The following SRI variants were observed in gnomAD, a reference collection of about 807,000 sequenced individuals.
SRI encodes 22 kDa protein.
A neutral mutation model predicts 33.3 loss-of-function variants in SRI; 30 were observed. The observed-to-expected ratio is 0.90, with a 90% CI of 0.67 to 1.22. The LOEUF is 1.22. Ranked by LOEUF, SRI falls within the 50% of genes most tolerant of loss-of-function variation. The pLI, the probability that SRI is intolerant of heterozygous loss-of-function variation, is 0.00. For synonymous variants in SRI, 75 were observed against 89.9 expected (o/e 0.83, Z 0.94); for missense variants, 243 against 250.8 (o/e 0.97, Z 0.21).
chr7:88,214,966 T>C (rs886766160), intron 3 of SRI: 3 of 529,528 alleles, frequency 5.7e-6, no homozygotes, highest in Non-Finnish European at 1.0e-5. Context: ...AGAAGCTGAA[T>C]TACAATCTTA....
At chr7:88,224,044 A>G (rs1379713352), upstream of SRI, among the ~76,000 whole-genome samples, 2 of 152,138 alleles carry the variant, frequency 1.3e-5, no homozygotes, top group African/African-American at 4.8e-5. Flanking sequence ...CTGATCATAT[A>G]CTCCAATCCT....
upstream of SRI, among the ~76,000 whole-genome samples, chr7:88,224,548 G>A (rs1234145785): frequency 6.6e-6 from 1 of 152,200 alleles, no homozygotes; most frequent in Non-Finnish European, 1.5e-5. Flanking sequence ...AATGTAAGTG[G>A]AAATGAGCAT....
intron 3 of SRI, chr7:88,214,833 A>G: frequency 1.6e-6 from 2 of 1,239,950 alleles, no homozygotes; most frequent in South Asian, 2.7e-5. Context: ...TTCTACTAGA[A>G]TGCCTCAAAC....
chr7:88,207,403 A>C (rs1851460364), intron 7 of SRI, among the ~76,000 whole-genome samples: 1 of 152,232 alleles, frequency 6.6e-6, no homozygotes, highest in South Asian at 2.1e-4. Context: ...TTAAAAGTGT[A>C]CTTATAACTG....
At chr7:88,208,622 A>ATAAAAGTTAGTTT in intron 6 of SRI, 57 bp from the exon 7 acceptor site, 1 of 1,602,604 alleles carries the variant, frequency 6.2e-7, no homozygotes, top group South Asian at 1.1e-5. Context: ...TTCTAAAATC[A>ATAAAAGTTAGTTT]TAAAAGTTAG....
At chr7:88,211,789 C>G (rs756270921) in intron 3 of SRI, among the ~76,000 whole-genome samples, 3 of 151,978 alleles carry the variant, frequency 2.0e-5, no homozygotes, top group Non-Finnish European at 4.4e-5. Flanking sequence ...TAGATAAGAC[C>G]CCATGACCAA....
At chr7:88,217,217 A>G (rs1477853094) in intron 2 of SRI, 26 bp from the exon 3 acceptor site, 5 of 1,588,966 alleles carry the variant, frequency 3.1e-6, no homozygotes, top group Admixed American at 1.7e-5. Context: ...TAGAGGAATC[A>G]TAATAGTGAT....
chr7:88,221,075 G>A (rs1293538310), upstream of SRI, among the ~76,000 whole-genome samples: 2 of 152,104 alleles, frequency 1.3e-5, no homozygotes, highest in Non-Finnish European at 2.9e-5. Context: ...ATTGAGAAAC[G>A]CATTAATAAG....
chr7:88,217,676 T>G (rs1005446081), intron 2 of SRI, among the ~76,000 whole-genome samples: 1 of 152,210 alleles, frequency 6.6e-6, no homozygotes, highest in African/African-American at 2.4e-5. Flanking sequence ...GAACTAGATA[T>G]ATGTGATTTT....
chr7:88,216,485 C>A (rs957913454), intron 3 of SRI, among the ~76,000 whole-genome samples: 5 of 152,156 alleles, frequency 3.3e-5, no homozygotes, highest in African/African-American at 1.2e-4. Context: ...CAGGAGCATG[C>A]CCAAAGCTCA....
upstream of SRI, among the ~76,000 whole-genome samples, chr7:88,221,718 AGGGT>A (rs1851891901): frequency 6.6e-6 from 1 of 152,078 alleles, no homozygotes; most frequent in South Asian, 2.1e-4. Context: ...TTTAAGTTTT[AGGGT>A]ACATGTGAAC....
chr7:88,223,357 C>A (rs923430520), upstream of SRI, among the ~76,000 whole-genome samples: 2 of 152,098 alleles, frequency 1.3e-5, no homozygotes, highest in Non-Finnish European at 2.9e-5. Context: ...GGGGAAGGAA[C>A]AGAACAGAGC....
chr7:88,207,605 T>C (rs1483422920), intron 7 of SRI: 1 of 152,250 alleles, frequency 6.6e-6, no homozygotes, highest in African/African-American at 2.4e-5. Context: ...ATCCAGCTAA[T>C]GCCATCAAAG....
At chr7:88,206,554 C>G in intron 7 of SRI, 50 bp from the exon 8 acceptor site, 1 of 1,607,600 alleles carries the variant, frequency 6.2e-7, no homozygotes. Context: ...ACTTATACGG[C>G]ACAGCCTATT....
Position 88,225,251 on chromosome 7 carries a change from T to C in SRI, c.6+1658A>G, listed in dbSNP as rs551715117. On this transcript the variant is annotated intron_variant, in intron 1 of 7. Coordinates refer to the SRI transcript ENST00000394641. ...GGAAGCTGATGTTGGAGGAATTTAT[T>C]ATGGCTAAATATATATGCCTATATA... Among the ~76,000 whole-genome samples, 54 of 152,330 alleles carry C rather than the reference T, an allele frequency of 3.5e-4. 2 individuals are homozygous for C. In the South Asian group the frequency reaches 0.011, roughly 30 times the overall value.
chr7:88,208,434 G>C, intron 7 of SRI, 73 bp downstream of exon 7: 1 of 1,586,284 alleles, frequency 6.3e-7, no homozygotes, highest in Non-Finnish European at 8.6e-7. Flanking sequence ...ATTCTTAACA[G>C]CTAATTTCAA....
At chr7:88,219,489 C>T (rs1851825576) in intron 1 of SRI, 1 of 192,670 alleles carries the variant, frequency 5.2e-6, no homozygotes, top group South Asian at 9.2e-5. Flanking sequence ...TCCTACAGGT[C>T]TTTTACTTCA....
In SRI at chr7:88,206,191, T is replaced by G; in HGVS notation, c.*287A>C. The G allele has an allele frequency of 4.2e-6, 2 of 470,920 alleles. No homozygotes were observed. The highest frequency in any genetic ancestry group is 2.6e-5 in the South Asian group (1 of 38,634). The allele number at this position is 470,920 out of a possible 1,614,324, so 29.2% of individuals were successfully genotyped here. On this transcript the variant is annotated 3_prime_UTR_variant, in exon 8 of 8. Transcript: ENST00000265729. ...AAAATAAATAATGTGACTTAAACAT[T>G]TTGCATACTTAAATTTACATAGAGT...
intron 1 of SRI, 173 bp from the exon 2 acceptor site, chr7:88,219,115 AC>A: frequency 1.6e-6 from 1 of 642,630 alleles, no homozygotes; most frequent in Non-Finnish European, 2.8e-6. Flanking sequence ...TTCCATTCAC[AC>A]CCCGTAATTT....
Sources: allele counts gnomAD v4.1 joint callset (sites outside exome capture counted in the v4.1 genomes callset), GRCh38; gene constraint gnomAD v4.1.1; transcripts MANE v1.5; gene names NCBI Gene and HGNC (gene_info 2026-07-23, HGNC 2026-07-21).